The following TOX3 variants were observed in gnomAD, a reference collection of about 807,000 sequenced individuals.
The protein encoded by TOX3 is CAG trinucleotide repeat-containing gene F9 protein.
A neutral mutation model predicts 64.3 loss-of-function variants in TOX3; 22 were observed. That is an observed-to-expected ratio of 0.34 (90% CI 0.24 to 0.49). The LOEUF is 0.49. Among genes scored for constraint, TOX3 ranks in the 20% least tolerant of loss-of-function variants. The probability of loss-of-function intolerance (pLI) is 0.99; values close to 1 mark genes in which losing one functional copy is unlikely to be tolerated. For synonymous variants in TOX3, 291 were observed against 273.6 expected (o/e 1.06, Z -0.63); for missense variants, 661 against 714.4 (o/e 0.93, Z 0.85).
intron 5 of TOX3, chr16:52,445,748 G>C: frequency 2.2e-6 from 1 of 444,900 alleles, no homozygotes; most frequent in South Asian, 4.2e-5. Flanking sequence ...GCAGGATACT[G>C]CCTGGATTTC....
At chr16:52,501,736 C>G (rs1891822904) in intron 1 of TOX3, among the ~76,000 whole-genome samples, 1 of 151,866 alleles carries the variant, frequency 6.6e-6, no homozygotes, top group African/African-American at 2.4e-5. Flanking sequence ...CCTTAATGCT[C>G]ACTCCCTGAG....
At chr16:52,543,585 C>A (rs1043160123) in intron 1 of TOX3, among the ~76,000 whole-genome samples, 1 of 152,028 alleles carries the variant, frequency 6.6e-6, no homozygotes, top group Non-Finnish European at 1.5e-5. Context: ...AATTTGTTAA[C>A]CACACCAGAA....
intron 1 of TOX3, among the ~76,000 whole-genome samples, chr16:52,535,745 A>G (rs889420087): frequency 6.6e-6 from 1 of 152,200 alleles, no homozygotes; most frequent in Non-Finnish European, 1.5e-5. Context: ...AGTCACTTCA[A>G]TACCACATTT....
At chr16:52,472,567 C>G (rs146339235) in intron 1 of TOX3, among the ~76,000 whole-genome samples, 1 of 152,236 alleles carries the variant, frequency 6.6e-6, no homozygotes, top group East Asian at 1.9e-4. Flanking sequence ...TCTAAACTTT[C>G]TAGATTATAA....
Position 52,491,075 on chromosome 16 carries a change from C to T in TOX3, c.88-22501G>A, listed in dbSNP as rs141691164. 9.2e-4 allele frequency among the ~76,000 whole-genome samples: 140 copies of T among 152,274 alleles called. 1 individual carries two copies. Among genetic ancestry groups the T allele is most frequent in the Non-Finnish European group, 1.0e-3 (70 of 68,022 alleles). On this transcript the variant is annotated intron_variant, in intron 1 of 6. Coordinates refer to ENST00000219746, the MANE Select transcript of TOX3 (RefSeq NM_001080430.4). ...AAAATACTTCCACAGTTACCCACAG[C>T]CTAATTAAAACTCTTTTCCTCATTG...
At chr16:52,445,603 A>G (rs1960139734) in intron 5 of TOX3, 1 of 169,970 alleles carries the variant, frequency 5.9e-6, no homozygotes, top group African/African-American at 2.4e-5. Context: ...CCAGGACAGC[A>G]CAAGGGTTCA....
In TOX3 at chr16:52,464,093, A is replaced by T. The variant is rs765684548; in HGVS notation, c.249T>A (p.Asp83Glu). The T allele has an allele frequency of 1.9e-6, 3 of 1,603,336 alleles. No homozygotes were observed. The African/African-American group carries it at 4.0e-5, about 21-fold the overall frequency. Residue 83 changes from aspartate (D) to glutamate (E), a missense_variant, in exon 3 of 7, where the codon GAT (aspartate) becomes GAA (glutamate). This residue lies in a region of TOX3 where 259 missense variants were observed against 261.2 expected (regional missense o/e 0.99). Coordinates refer to ENST00000219746, the MANE Select transcript of TOX3 (RefSeq NM_001080430.4). ...PESDPALGMP[D>E]VLLPFQALSD... ...TGAGGGCTTGAAAGGGTAGCAGTAC[A>T]TCCGGCATGCCTAGGGCAGGGTCTG...
chr16:52,478,191 C>T (rs1421817409), intron 1 of TOX3, among the ~76,000 whole-genome samples: 1 of 152,172 alleles, frequency 6.6e-6, no homozygotes, highest in Non-Finnish European at 1.5e-5. Flanking sequence ...AAACTCCTTG[C>T]CATGGGCTAC....
chr16:52,528,302 T>C (rs531472334), intron 1 of TOX3, among the ~76,000 whole-genome samples: 2 of 152,198 alleles, frequency 1.3e-5, no homozygotes, highest in Non-Finnish European at 2.9e-5. Context: ...GCAAATGTTA[T>C]TAGTGTCCTC....
chr16:52,447,916 A>G (rs1960210969), intron 4 of TOX3, among the ~76,000 whole-genome samples: 1 of 152,250 alleles, frequency 6.6e-6, no homozygotes, highest in Admixed American at 6.5e-5. Context: ...GTGCCACAAT[A>G]CCCTGACCAA....
intron 1 of TOX3, among the ~76,000 whole-genome samples, chr16:52,524,815 C>A (rs1011317617): frequency 2.0e-5 from 3 of 152,110 alleles, no homozygotes; most frequent in African/African-American, 7.2e-5. Flanking sequence ...CTCTCTGGGT[C>A]TCCTTTCTGA....
chr16:52,490,099 T>C (rs1319230796), intron 1 of TOX3, among the ~76,000 whole-genome samples: 2 of 151,974 alleles, frequency 1.3e-5, no homozygotes, highest in Admixed American at 6.6e-5. Flanking sequence ...TAACGCAGTA[T>C]GCCAAGGTAG....
intron 1 of TOX3, among the ~76,000 whole-genome samples, chr16:52,521,797 C>A (rs1962618038): frequency 6.6e-6 from 1 of 152,188 alleles, no homozygotes; most frequent in South Asian, 2.1e-4. Context: ...CCCAGACCTA[C>A]TGAATCAGAA....
intron 1 of TOX3, among the ~76,000 whole-genome samples, chr16:52,523,995 G>A (rs938390364): frequency 1.3e-5 from 2 of 152,100 alleles, no homozygotes; most frequent in African/African-American, 4.8e-5. Context: ...TTAAGCATGT[G>A]TTTTCTTCAA....
chr16:52,514,897 G>C (rs1478453528), intron 1 of TOX3, among the ~76,000 whole-genome samples: 1 of 150,492 alleles, frequency 6.6e-6, no homozygotes, highest in Non-Finnish European at 1.5e-5. Flanking sequence ...TGTAGTCCCA[G>C]CTACTTGGGA....
At chr16:52,491,801 G>A (rs969488101) in intron 1 of TOX3, among the ~76,000 whole-genome samples, 2 of 152,136 alleles carry the variant, frequency 1.3e-5, no homozygotes, top group Admixed American at 6.6e-5. Flanking sequence ...CCTTAGAGAG[G>A]GGAACTGAAG....
chr16:52,479,474 A>C (rs1312228461), intron 1 of TOX3, among the ~76,000 whole-genome samples: 1 of 152,216 alleles, frequency 6.6e-6, no homozygotes, highest in Non-Finnish European at 1.5e-5. Flanking sequence ...GCTGAAGATA[A>C]AATTTGAGGC....
At chr16:52,447,158 A>C (rs1960187140) in intron 4 of TOX3, among the ~76,000 whole-genome samples, 1 of 152,220 alleles carries the variant, frequency 6.6e-6, no homozygotes, top group African/African-American at 2.4e-5. Context: ...TAACATACTT[A>C]TCAGAGAAGC....
chr16:52,527,329 C>G (rs1962747642), intron 1 of TOX3, among the ~76,000 whole-genome samples: 2 of 152,112 alleles, frequency 1.3e-5, no homozygotes, highest in Admixed American at 1.3e-4. Context: ...ATTTTAATAT[C>G]ATCGTTGCAC....
Sources: gnomAD v4.1 joint callset for allele counts (sites outside exome capture counted in the v4.1 genomes callset) on GRCh38, gnomAD v4.1.1 for gene constraint, gnomAD v4.1.1 regional missense constraint, MANE v1.5 for transcripts, NCBI Gene and HGNC (gene_info 2026-07-23, HGNC 2026-07-21) for gene names.